Variants in ANKRD44 observed in about 807,000 individuals in gnomAD.
ANKRD44 encodes the protein ankyrin repeat domain 44.
In ANKRD44, 35 loss-of-function variants were observed where a neutral mutation model predicts 116.0. The observed-to-expected ratio is 0.30, with a 90% CI of 0.23 to 0.40. The LOEUF (loss-of-function observed/expected upper bound fraction) is 0.40, where lower values mean the gene tolerates loss of function less well. Among genes scored for constraint, ANKRD44 ranks in the 10% least tolerant of loss-of-function variants. The pLI is 1.00. For missense variants in ANKRD44, 1,014 were observed against 1,242.6 expected, an observed-to-expected ratio of 0.82 and a Z score of 2.77; for synonymous variants, 435 against 461.8, an observed-to-expected ratio of 0.94 and a Z score of 0.74.
At chr2:197,161,211 C>T (rs1378315277) in intron 2 of ANKRD44, among the ~76,000 whole-genome samples, 1 of 151,986 alleles carries the variant, frequency 6.6e-6, no homozygotes, top group Admixed American at 6.6e-5. Flanking sequence ...TGGGAGATGG[C>T]TACGTAACAG....
chr2:197,115,042 T>C (rs1316299101), intron 8 of ANKRD44, among the ~76,000 whole-genome samples: 1 of 152,140 alleles, frequency 6.6e-6, no homozygotes, highest in Admixed American at 6.5e-5. Flanking sequence ...ACCTATTCCA[T>C]AATTTGGTCC....
chr2:197,044,284 C>G (rs1442845665), intron 16 of ANKRD44, among the ~76,000 whole-genome samples: 1 of 152,212 alleles, frequency 6.6e-6, no homozygotes, highest in Non-Finnish European at 1.5e-5. Context: ...CCTGCAGTTT[C>G]CAACTGCACA....
chr2:197,241,990 T>C (rs971349368), intron 1 of ANKRD44, among the ~76,000 whole-genome samples: 1 of 152,176 alleles, frequency 6.6e-6, no homozygotes, highest in African/African-American at 2.4e-5. Context: ...GTTTAATGTC[T>C]TGATTAATCT....
chr2:197,242,449 C>G (rs1483684141), intron 1 of ANKRD44, among the ~76,000 whole-genome samples: 1 of 152,184 alleles, frequency 6.6e-6, no homozygotes, highest in African/African-American at 2.4e-5. Context: ...CCAGGTTTCT[C>G]AAAAGAGACA....
intron 2 of ANKRD44, among the ~76,000 whole-genome samples, chr2:197,175,048 CTTG>C (rs778503080): frequency 2.4e-4 from 37 of 152,096 alleles, no homozygotes; most frequent in Middle Eastern, 3.4e-3. Flanking sequence ...GTGGTGGGCT[CTTG>C]TTGTTTTTTG....
intron 3 of ANKRD44, among the ~76,000 whole-genome samples, chr2:197,139,670 C>A (rs911649018): frequency 3.3e-5 from 5 of 151,344 alleles, no homozygotes; most frequent in African/African-American, 9.7e-5. Flanking sequence ...GCAAATATGG[C>A]AAAATATTAA....
chr2:197,245,927 A>G (rs990603936), intron 1 of ANKRD44, among the ~76,000 whole-genome samples: 1 of 152,222 alleles, frequency 6.6e-6, no homozygotes, highest in Non-Finnish European at 1.5e-5. Flanking sequence ...TTGAGAGTAG[A>G]AAACAGATAA....
intron 1 of ANKRD44, among the ~76,000 whole-genome samples, chr2:197,192,692 C>T (rs2080852861): frequency 6.6e-6 from 1 of 152,146 alleles, no homozygotes; most frequent in African/African-American, 2.4e-5. Context: ...ATGAACAAAA[C>T]CTGCTAACTG....
chr2:197,207,102 A>T (rs2081225708), intron 1 of ANKRD44, among the ~76,000 whole-genome samples: 1 of 152,216 alleles, frequency 6.6e-6, no homozygotes, highest in Non-Finnish European at 1.5e-5. Context: ...AATTAAATTA[A>T]AACTCTTCTT....
At chr2:197,084,472 C>A (rs1046236649) in intron 13 of ANKRD44, among the ~76,000 whole-genome samples, 1 of 152,206 alleles carries the variant, frequency 6.6e-6, no homozygotes, top group Non-Finnish European at 1.5e-5. Flanking sequence ...ATCCTCCCCA[C>A]TGAACTGCAA....
chr2:197,222,688 A>G (rs964202419), intron 1 of ANKRD44, among the ~76,000 whole-genome samples: 4 of 152,190 alleles, frequency 2.6e-5, no homozygotes, highest in Non-Finnish European at 4.4e-5. Context: ...AGGCAATCCG[A>G]TCACTTCATG....
chr2:197,174,178 T>A (rs1410665337), intron 2 of ANKRD44, among the ~76,000 whole-genome samples: 2 of 152,350 alleles, frequency 1.3e-5, no homozygotes, highest in East Asian at 3.9e-4. Flanking sequence ...TAAATTTTTT[T>A]AATGGTGGTA....
At position 196,999,114 on chromosome 2, in the gene ANKRD44, C is replaced by G. The variant is rs1294474090; in HGVS notation, c.2520-62G>C. On this transcript the variant is annotated intron_variant, in intron 23 of 27. Transcript: ENST00000282272. ...TAAACTTTATTCTCGCTAGTTACTG[C>G]CCAAGAAACATGCACAAGGTGTTGT... is the stretch of plus-strand genomic sequence containing the variant. The G allele has an allele frequency of 7.0e-6, 11 of 1,578,816 alleles. No individual in the cohort carries two copies. In the East Asian group the frequency reaches 2.2e-4, roughly 32 times the overall value.
At chr2:197,288,748 C>A (rs1237129425) in intron 1 of ANKRD44, among the ~76,000 whole-genome samples, 2 of 151,988 alleles carry the variant, frequency 1.3e-5, no homozygotes, top group African/African-American at 4.8e-5. Context: ...TCACTTGCAG[C>A]AACATGGATA....
At chr2:197,088,620 G>GTGATATTTGATAATTAGTA in intron 12 of ANKRD44, 91 bp downstream of exon 12, 1 of 753,442 alleles carries the variant, frequency 1.3e-6, no homozygotes, top group Non-Finnish European at 2.0e-6. Flanking sequence ...ATTTTACTAA[G>GTGATATTTGATAATTAGTA]GAAATTGCCT....
At chr2:197,059,072 C>T (rs1437931535) in intron 16 of ANKRD44, among the ~76,000 whole-genome samples, 1 of 152,042 alleles carries the variant, frequency 6.6e-6, no homozygotes. Context: ...ATTATATTAT[C>T]ATGGTGGTAA....
chr2:197,243,485 A>G (rs2082130731), intron 1 of ANKRD44, among the ~76,000 whole-genome samples: 1 of 152,232 alleles, frequency 6.6e-6, no homozygotes, highest in Admixed American at 6.5e-5. Flanking sequence ...GGGCCTTCCT[A>G]AAACTAACAT....
chr2:197,026,397 G>A (rs2076596051), intron 16 of ANKRD44, among the ~76,000 whole-genome samples: 1 of 152,232 alleles, frequency 6.6e-6, no homozygotes, highest in South Asian at 2.1e-4. Context: ...ATTAGGGAAA[G>A]CCTCACTGAG....
At chr2:197,149,300 A>C (rs1403259861) in intron 2 of ANKRD44, among the ~76,000 whole-genome samples, 2 of 152,218 alleles carry the variant, frequency 1.3e-5, no homozygotes, top group Non-Finnish European at 2.9e-5. Context: ...TCTTGGCCTC[A>C]AATAAAAAGC....
Sources: gnomAD v4.1 joint callset for allele counts (sites outside exome capture counted in the v4.1 genomes callset) on GRCh38, gnomAD v4.1.1 for gene constraint, MANE v1.5 for transcripts, NCBI Gene and HGNC (gene_info 2026-07-23, HGNC 2026-07-21) for gene names.